Variants in TRIP11 observed in about 807,000 individuals in gnomAD.
TRIP11 encodes thyroid receptor-interacting protein 11.
TRIP11 carries 148 observed loss-of-function variants against 223.1 expected under a neutral mutation model. The observed-to-expected ratio is 0.66, with a 90% CI of 0.58 to 0.76. TRIP11 has a LOEUF of 0.76. Among genes scored for constraint, TRIP11 ranks in the 30% least tolerant of loss-of-function variants. The pLI, the probability that TRIP11 is intolerant of heterozygous loss-of-function variation, is 0.00. For synonymous variants in TRIP11, 762 were observed against 772.6 expected (o/e 0.99, Z 0.23); for missense variants, 2,043 against 2,222.0 (o/e 0.92, Z 1.62).
chr14:91,976,242 G>T, intron 16 of TRIP11, 53 bp from the exon 17 acceptor site: 2 of 1,430,388 alleles, frequency 1.4e-6, no homozygotes, highest in Non-Finnish European at 2.0e-6. Context: ...AAATAGTCTG[G>T]ATGACTATAT....
chr14:91,996,353 A>C (rs1465316535), intron 13 of TRIP11, among the ~76,000 whole-genome samples: 2 of 152,224 alleles, frequency 1.3e-5, no homozygotes, highest in Non-Finnish European at 2.9e-5. Context: ...TTAAAGACTA[A>C]GAATTAAGTT....
chr14:92,006,782 C>T lies in TRIP11; in HGVS notation c.1528-334G>A, dbSNP rs1034425907. ...CTCCCAGGTTCAAGCAATTCTCCTG[C>T]CTCAACCTCCCGAGTAGCTGGGATT... On this transcript the variant is annotated intron_variant, in intron 10 of 20. Transcript: ENST00000267622. Among the ~76,000 whole-genome samples the T allele has an allele frequency of 3.3e-5, 5 of 152,210 alleles. No homozygotes were observed. In the South Asian group the frequency reaches 6.2e-4, roughly 19 times the overall value.
chr14:91,979,603 T>A (rs1595368411), intron 16 of TRIP11, among the ~76,000 whole-genome samples: 1 of 152,144 alleles, frequency 6.6e-6, no homozygotes, highest in Admixed American at 6.5e-5. Flanking sequence ...TGATGTGGAA[T>A]GCAAAGGGCT....
At chr14:92,018,791 A>G (rs904194806) in intron 4 of TRIP11, among the ~76,000 whole-genome samples, 2 of 151,816 alleles carry the variant, frequency 1.3e-5, no homozygotes, top group Non-Finnish European at 2.9e-5. Context: ...CCCCGTCACT[A>G]TTAAAAATAC....
Position 92,039,678 on chromosome 14 carries a change from G to C in TRIP11, c.8C>G (p.Ser3Cys). Residue 3 changes from serine to cysteine, a missense_variant, in exon 1 of 21, where the codon TCC (serine) becomes TGC (cysteine). By Grantham distance (112) the Ser-to-Cys change is moderately radical. Coordinates refer to ENST00000267622, the MANE Select transcript of TRIP11 (RefSeq NM_004239.4). MSSWLGGLGSGLG... is the reference protein window; with the variant it reads MSCWLGGLGSGLG... ...TCCGGAGCCGAGGCCCCCAAGCCAG[G>C]ACGACATCGCGGCGAGTTTAGAGAA... 3 of 1,612,240 alleles carry C rather than the reference G, an allele frequency of 1.9e-6. No individual in the cohort carries two copies. The highest frequency in any genetic ancestry group is 2.5e-6 in the Non-Finnish European group (3 of 1,179,250).
Position 91,967,130 on chromosome 14 carries a change from T to A in TRIP11, c.*2543A>T. The A allele has an allele frequency of 6.2e-6, 1 of 161,734 alleles. No homozygotes were observed. Among genetic ancestry groups the A allele is most frequent in the East Asian group, 1.1e-4 (1 of 8,904 alleles). The allele number at this position is 161,734 out of a possible 1,614,324, so 10.0% of individuals were successfully genotyped here. ...ATGACACAATGAAAACATTAGGTAC[T>A]ATAGCTTTTTTTTTTTTTTTTTTTT... On this transcript the variant is annotated 3_prime_UTR_variant, in exon 21 of 21. Coordinates refer to ENST00000267622, the MANE Select transcript of TRIP11 (RefSeq NM_004239.4).
chr14:92,033,194 C>G lies in TRIP11; in HGVS notation c.199G>C (p.Glu67Gln), dbSNP rs1185757397. Residue 67 changes from glutamate to glutamine, a missense_variant and splice_region_variant, in exon 2 of 21, where the codon GAG becomes CAG. Physicochemically the swap from Glu to Gln is conservative, Grantham distance 29. Coordinates refer to ENST00000267622, the MANE Select transcript of TRIP11 (RefSeq NM_004239.4). ...IEAIHAILRS[E>Q]NERLKKLCTD... ...AAGTAGTCTTTGATTTTTCTTACCT[C>G]TGATCTCAAGATTGCATGAATGGCT... is the stretch of plus-strand genomic sequence containing the variant. 1 of 1,612,806 alleles carries G rather than the reference C, an allele frequency of 6.2e-7. No individual in the cohort carries two copies. The highest frequency in any genetic ancestry group is 2.2e-5 in the East Asian group (1 of 44,684).
intron 1 of TRIP11, 49 bp downstream of exon 1, chr14:92,039,498 G>A: frequency 5.0e-6 from 8 of 1,602,408 alleles, no homozygotes; most frequent in Non-Finnish European, 6.8e-6. Context: ...CCAAACGGAC[G>A]TTCCCAGGGT....
chr14:91,978,942 C>T lies in TRIP11; in HGVS notation c.5261-2753G>A, dbSNP rs1400921441. The stretch of plus-strand genomic sequence containing the variant: ...TTTAGAACATAACCAGGATATAACA[C>T]TACTCTATACTATCTCTTATTTTAA... On this transcript the variant is annotated intron_variant, in intron 16 of 20. Coordinates refer to ENST00000267622, the MANE Select transcript of TRIP11 (RefSeq NM_004239.4). This position sits in a 1 kb window ranked among gnomAD's most constrained non-coding sequence, Gnocchi z 4.4. Among the ~76,000 whole-genome samples, 2 of 152,066 alleles carry T rather than the reference C, an allele frequency of 1.3e-5. No individual in the cohort carries two copies. Among genetic ancestry groups the T allele is most frequent in the African/African-American group, 4.8e-5 (2 of 41,396 alleles).
At position 91,967,231 on chromosome 14, in the gene TRIP11, C is replaced by T. The variant is rs866604733; in HGVS notation, c.*2442G>A. On this transcript the variant is annotated 3_prime_UTR_variant, in exon 21 of 21. Coordinates refer to ENST00000267622, the MANE Select transcript of TRIP11 (RefSeq NM_004239.4). The stretch of plus-strand genomic sequence containing the variant: ...GTTGCTAACTGCAACCTCCACTTCC[C>T]GGGGTCAAGCAATTCTCCTGCCTCA... 12 of 169,314 alleles carry T rather than the reference C, an allele frequency of 7.1e-5. No homozygotes were observed. The highest frequency in any genetic ancestry group is 3.7e-5 in the Non-Finnish European group (3 of 80,196). 10.5% of individuals were successfully genotyped at this position (169,314 alleles called of 1,614,324 possible).
At chr14:92,014,695 T>A (rs2057014088) in intron 6 of TRIP11, 118 bp from the exon 7 acceptor site, 10 of 1,127,142 alleles carry the variant, frequency 8.9e-6, no homozygotes, top group Non-Finnish European at 1.2e-5. Context: ...AAAAGTTAAA[T>A]TACTATAATA....
intron 1 of TRIP11, among the ~76,000 whole-genome samples, chr14:92,038,749 TTGAAACTTAAAAAC>T (rs2140155046): frequency 6.6e-6 from 1 of 152,250 alleles, no homozygotes; most frequent in African/African-American, 2.4e-5. Flanking sequence ...CAGACTTAGA[TTGAAACTTAAAAAC>T]TGTTTTGATC....
At position 92,003,685 on chromosome 14, in the gene TRIP11, T is replaced by C; in HGVS notation, c.4291A>G (p.Thr1431Ala). Residue 1431 changes from threonine to alanine, a missense_variant, in exon 11 of 21, where the codon ACT becomes GCT. Coordinates refer to ENST00000267622, the MANE Select transcript of TRIP11 (RefSeq NM_004239.4). Reference sequence around the variant, plus strand: ...AGTTCGTTTTCATTTACTTTGTTAGTGAAATTTTCATTGGAAGAAAGTAGT... The same window carrying C: ...AGTTCGTTTTCATTTACTTTGTTAGCGAAATTTTCATTGGAAGAAAGTAGT... ...DQLLSSNENF[T>A]NKVNENELLR... 5.6e-6 allele frequency: 9 copies of C among 1,614,206 alleles called. No homozygotes were observed. The highest frequency in any genetic ancestry group is 7.6e-6 in the Non-Finnish European group (9 of 1,180,032).
intron 2 of TRIP11, among the ~76,000 whole-genome samples, chr14:92,025,878 C>CAAAAAAAAAA (rs372915026): frequency 0.011 from 792 of 73,904 alleles, 9 homozygotes; most frequent in African/African-American, 0.034. Flanking sequence ...GACTCCGTCT[C>CAAAAAAAAAA]AAAAAAAAAA....
chr14:91,986,165 G>A (rs895801645), intron 16 of TRIP11, among the ~76,000 whole-genome samples: 18 of 152,168 alleles, frequency 1.2e-4, no homozygotes, highest in African/African-American at 2.2e-4. Context: ...TCCAAAGTTC[G>A]TATACGTTTA....
intron 1 of TRIP11, among the ~76,000 whole-genome samples, chr14:92,034,633 T>C (rs1037542978): frequency 6.6e-6 from 1 of 152,212 alleles, no homozygotes; most frequent in Non-Finnish European, 1.5e-5. Context: ...TCTGGTTTTC[T>C]ACATTTTCAT....
intron 15 of TRIP11, among the ~76,000 whole-genome samples, chr14:91,991,697 T>C (rs1595376453): frequency 6.6e-6 from 1 of 152,304 alleles, no homozygotes; most frequent in East Asian, 1.9e-4. Context: ...ATTAATGCAA[T>C]GCATACAGAA....
intron 20 of TRIP11, among the ~76,000 whole-genome samples, chr14:91,970,804 T>C (rs8023032): frequency 0.023 from 3,568 of 152,292 alleles, 150 homozygotes; most frequent in African/African-American, 0.081. Flanking sequence ...ATGAACTTCA[T>C]TTACCATAAC....
rs2056442182 is a variant in TRIP11 at position 91,974,693 on chromosome 14, A to C, written c.5508T>G (p.Leu1836=). 6.2e-7 allele frequency: 1 copy of C among 1,613,048 alleles called. No individual in the cohort carries two copies. Among genetic ancestry groups the C allele is most frequent in the Non-Finnish European group, 8.5e-7 (1 of 1,179,936 alleles). ...GGVTRWMTGW[L]GGGSKSVPNT... is the part of the protein sequence containing the mutation. ...TGGGAACACTTTTTGATCCTCCTCC[A>C]AGCCACCCAGTCATCCACCTGGTAA... Residue 1836 remains leucine (L), a synonymous_variant, in exon 19 of 21, where the codon CTT becomes CTG. Coordinates refer to ENST00000267622, the MANE Select transcript of TRIP11 (RefSeq NM_004239.4).
Sources: allele counts gnomAD v4.1 joint callset (sites outside exome capture counted in the v4.1 genomes callset), GRCh38; gene constraint gnomAD v4.1.1; non-coding constraint Gnocchi (gnomAD v3.1); transcripts MANE v1.5; gene names NCBI Gene and HGNC (gene_info 2026-07-23, HGNC 2026-07-21).